Variants in CCDC146 observed in about 807,000 individuals in gnomAD.
CCDC146 encodes the protein coiled-coil domain containing 146.
A neutral mutation model predicts 119.3 loss-of-function variants in CCDC146; 92 were observed. That is an observed-to-expected ratio of 0.77 (90% CI 0.65 to 0.92). CCDC146 has a LOEUF of 0.92. Ranked by LOEUF, CCDC146 falls within the 40% of genes least tolerant of loss-of-function variation. The pLI, the probability that CCDC146 is intolerant of heterozygous loss-of-function variation, is 0.00. For synonymous variants in CCDC146, 372 were observed against 371.8 expected, an observed-to-expected ratio of 1.00 and a Z score of -0.01; for missense variants, 1,000 against 1,103.0, an observed-to-expected ratio of 0.91 and a Z score of 1.32.
chr7:77,173,058 G>A (rs1454746536), intron 2 of CCDC146, among the ~76,000 whole-genome samples: 1 of 152,102 alleles, frequency 6.6e-6, no homozygotes, highest in Admixed American at 6.5e-5. Context: ...GACACAGAGA[G>A]GGGAACAACA....
Position 77,274,569 on chromosome 7 carries a change from G to A in CCDC146, c.1357G>A (p.Glu453Lys). ...TTTAAAGGAGCAAGAAAACATGAAA[G>A]AGCTAGTAGTCAACCTTCTCCGCAT... is the stretch of plus-strand genomic sequence containing the variant. ...KLLKEQENMK[E>K]LVVNLLRMTQ... Residue 453 changes from glutamate to lysine, a missense_variant, in exon 11 of 19, where the codon GAG becomes AAG. Physicochemically the swap from Glu to Lys is moderately conservative, Grantham distance 56. Around this residue, in one of 2 missense-constraint regions of CCDC146, gnomAD observed 985 missense variants for 1,045.3 expected, o/e 0.94. Transcript: ENST00000285871. The A allele has an allele frequency of 6.2e-7, 1 of 1,613,174 alleles. No individual in the cohort carries two copies. Among genetic ancestry groups the A allele is most frequent in the Non-Finnish European group, 8.5e-7 (1 of 1,179,392 alleles).
intron 3 of CCDC146, among the ~76,000 whole-genome samples, chr7:77,240,373 C>T (rs10499831): frequency 1.3e-5 from 2 of 152,198 alleles, no homozygotes; most frequent in Non-Finnish European, 2.9e-5. Flanking sequence ...TCACCTCTTG[C>T]ACCTAGCATA....
chr7:77,263,533 A>G (rs1295583711), intron 9 of CCDC146, among the ~76,000 whole-genome samples: 1 of 152,218 alleles, frequency 6.6e-6, no homozygotes, highest in Non-Finnish European at 1.5e-5. Context: ...ACCAACCTTA[A>G]GCAACATGTG....
At chr7:77,240,858 T>C (rs991121577) in intron 3 of CCDC146, among the ~76,000 whole-genome samples, 2 of 152,212 alleles carry the variant, frequency 1.3e-5, no homozygotes, top group Non-Finnish European at 2.9e-5. Flanking sequence ...CTCTTTTTTT[T>C]GTTCCAGGAC....
At chr7:77,205,575 T>C in intron 2 of CCDC146, among the ~76,000 whole-genome samples, 1 of 152,168 alleles carries the variant, frequency 6.6e-6, no homozygotes, top group East Asian at 1.9e-4. Flanking sequence ...CTGAGCAACA[T>C]GGTGAAACCC....
chr7:77,243,205 A>T (rs1241422794), intron 4 of CCDC146, among the ~76,000 whole-genome samples: 3 of 152,188 alleles, frequency 2.0e-5, no homozygotes, highest in Admixed American at 2.0e-4. Context: ...CTGCCAAGAG[A>T]AAAAAACAAA....
At chr7:77,144,987 G>T (rs1485862220) in intron 1 of CCDC146, among the ~76,000 whole-genome samples, 1 of 151,780 alleles carries the variant, frequency 6.6e-6, no homozygotes, top group Non-Finnish European at 1.5e-5. Flanking sequence ...AGTTTCAGAA[G>T]GAATGGTACC....
intron 4 of CCDC146, among the ~76,000 whole-genome samples, chr7:77,249,486 CAAAAAA>C (rs36137608): frequency 2.1e-5 from 2 of 96,716 alleles, no homozygotes; most frequent in South Asian, 3.5e-4. Context: ...GACTCTGTCT[CAAAAAA>C]AAAAAAAAAA....
At chr7:77,214,562 G>C (rs1046901180) in intron 2 of CCDC146, among the ~76,000 whole-genome samples, 1 of 152,078 alleles carries the variant, frequency 6.6e-6, no homozygotes, top group African/African-American at 2.4e-5. Context: ...TATATAGTTT[G>C]AGGTCTTACA....
At chr7:77,276,851 A>G (rs1433096902) in intron 11 of CCDC146, among the ~76,000 whole-genome samples, 1 of 152,186 alleles carries the variant, frequency 6.6e-6, no homozygotes, top group Non-Finnish European at 1.5e-5. Flanking sequence ...CGGGTGGATC[A>G]CCTGAGGTCA....
chr7:77,212,756 G>A lies in CCDC146; in HGVS notation c.157-24191G>A, dbSNP rs557776760. ...TCATGGTTATTGGCTAAGCCTGTAA[G>A]TGTCATTAGCAGATTCTAGCCTACA... On this transcript the variant is annotated intron_variant, in intron 2 of 18. Coordinates refer to ENST00000285871, the MANE Select transcript of CCDC146 (RefSeq NM_020879.3). 4.0e-4 allele frequency among the ~76,000 whole-genome samples: 61 copies of A among 152,044 alleles called. 1 individual carries two copies. The Middle Eastern group carries it at 0.014, about 34-fold the overall frequency.
Position 77,262,264 on chromosome 7 carries a change from C to CAA in CCDC146, c.1131_1132insAA (p.Leu378AsnfsTer14), listed in dbSNP as rs1402515051. 2.5e-6 allele frequency: 4 copies of CAA among 1,612,842 alleles called. No individual in the cohort carries two copies. Among genetic ancestry groups the CAA allele is most frequent in the Non-Finnish European group, 3.4e-6 (4 of 1,179,520 alleles). On this transcript the variant is annotated frameshift_variant, in exon 9 of 19. Transcript: ENST00000285871. LOFTEE classifies it high-confidence loss of function. ...CTGCTCTTGAAAGTGTCCTGGGATG[C>CAA]ACTTAGGCAAACTCAAGCACTGCAT...
At chr7:77,294,463 GGTGTGTGTGTGTGTGTGTGT>G (rs61323999) in intron 18 of CCDC146, among the ~76,000 whole-genome samples, 180 bp from the exon 19 acceptor site, 8 of 134,312 alleles carry the variant, frequency 6.0e-5, no homozygotes, top group South Asian at 2.5e-4. Context: ...ATGAGAGGTA[GGTGTGTGTGTGTGTGTGTGT>G]GTGTGTGTGT....
chr7:77,242,302 C>T, intron 4 of CCDC146: 4 of 827,082 alleles, frequency 4.8e-6, no homozygotes, highest in Non-Finnish European at 5.9e-6. Context: ...ATTTTCCAAA[C>T]AAGCCTCCAT....
intron 4 of CCDC146, among the ~76,000 whole-genome samples, chr7:77,246,963 C>A (rs1370982118): frequency 2.0e-5 from 3 of 152,024 alleles, no homozygotes; most frequent in African/African-American, 4.8e-5. Flanking sequence ...TATATCTACC[C>A]AGTAGAAAAC....
chr7:77,197,847 T>G (rs1788715394), intron 2 of CCDC146, among the ~76,000 whole-genome samples: 1 of 152,206 alleles, frequency 6.6e-6, no homozygotes, highest in Non-Finnish European at 1.5e-5. Context: ...AAACAACAGG[T>G]GACTATATTG....
rs1168304964 is a variant in CCDC146, at chr7:77,274,582, A to G, written c.1370A>G (p.Asn457Ser). ...EQENMKELVV[N>S]LLRMTQIKID... ...GAAAACATGAAAGAGCTAGTAGTCA[A>G]CCTTCTCCGCATGACTCAAATCAAA... Residue 457 changes from asparagine (N) to serine (S), a missense_variant, in exon 11 of 19, where the codon AAC (asparagine) becomes AGC (serine). By Grantham distance (46) the Asn-to-Ser change is conservative. This residue lies in a region of CCDC146 where 985 missense variants were observed against 1,045.3 expected (regional missense o/e 0.94). Coordinates refer to ENST00000285871, the MANE Select transcript of CCDC146 (RefSeq NM_020879.3). 1.2e-6 allele frequency: 2 copies of G among 1,613,492 alleles called. No homozygotes were observed. Among genetic ancestry groups the G allele is most frequent in the Admixed American group, 1.7e-5 (1 of 59,944 alleles).
chr7:77,255,343 T>C (rs1438566916), intron 5 of CCDC146: 1 of 152,150 alleles, frequency 6.6e-6, no homozygotes, highest in African/African-American at 2.4e-5. Context: ...ATAGGAGGAA[T>C]TCGTGGCCAC....
chr7:77,126,089 C>T (rs946446233), intron 1 of CCDC146, among the ~76,000 whole-genome samples: 7 of 152,040 alleles, frequency 4.6e-5, no homozygotes, highest in African/African-American at 1.7e-4. Flanking sequence ...AGGAAGTTAG[C>T]AGTAGATTTT....
Sources: allele counts gnomAD v4.1 joint callset (sites outside exome capture counted in the v4.1 genomes callset), GRCh38; gene constraint gnomAD v4.1.1; regional missense constraint gnomAD v4.1.1; transcripts MANE v1.5; gene names NCBI Gene and HGNC (gene_info 2026-07-23, HGNC 2026-07-21).